MEGF9: variants seen among roughly 807,000 people sequenced by gnomAD.
MEGF9 encodes multiple epidermal growth factor-like domains protein 9.
A neutral mutation model predicts 46.8 loss-of-function variants in MEGF9; 6 were observed. That is an observed-to-expected ratio of 0.13 (90% CI 0.07 to 0.25). The LOEUF (loss-of-function observed/expected upper bound fraction) is 0.25. MEGF9 is among the 10% of genes least tolerant of loss of function. The pLI, the probability that MEGF9 is intolerant of heterozygous loss-of-function variation, is 1.00. For missense variants in MEGF9, 683 were observed against 792.4 expected, an observed-to-expected ratio of 0.86 and a Z score of 1.66; for synonymous variants, 302 against 330.7, an observed-to-expected ratio of 0.91 and a Z score of 0.94.
intron 3 of MEGF9, among the ~76,000 whole-genome samples, chr9:120,613,099 A>G (rs781514591): frequency 8.5e-5 from 13 of 152,138 alleles, no homozygotes; most frequent in African/African-American, 3.1e-4. Context: ...GGCCTCCCAA[A>G]GTTTTGGGAT....
At chr9:120,621,377 C>T (rs529273512) in intron 3 of MEGF9, among the ~76,000 whole-genome samples, 1 of 152,284 alleles carries the variant, frequency 6.6e-6, no homozygotes, top group African/African-American at 2.4e-5. Flanking sequence ...CGAAATGCTT[C>T]AGTTTGGATA....
chr9:120,696,345 C>A (rs778238355), intron 1 of MEGF9, among the ~76,000 whole-genome samples: 7 of 152,174 alleles, frequency 4.6e-5, no homozygotes, highest in Non-Finnish European at 8.8e-5. Context: ...TTAGGAGAGG[C>A]AGCTCTAAAG....
chr9:120,689,165 G>A (rs923153287), intron 1 of MEGF9, among the ~76,000 whole-genome samples: 11 of 152,182 alleles, frequency 7.2e-5, no homozygotes, highest in African/African-American at 1.9e-4. Context: ...GTTTGCACAT[G>A]GAGAACCACC....
intron 2 of MEGF9, among the ~76,000 whole-genome samples, chr9:120,624,126 T>C (rs1480648503): frequency 2.0e-5 from 3 of 152,260 alleles, no homozygotes; most frequent in Non-Finnish European, 4.4e-5. Context: ...AGACTTTCTA[T>C]CTGGAGGATC....
intron 1 of MEGF9, among the ~76,000 whole-genome samples, chr9:120,697,873 GA>G (rs1195876740): frequency 2.7e-5 from 4 of 148,426 alleles, no homozygotes; most frequent in Admixed American, 6.7e-5. Flanking sequence ...TAGGGGAGGT[GA>G]AAAAAAAACA....
chr9:120,634,602 C>T (rs967798188), intron 2 of MEGF9, among the ~76,000 whole-genome samples: 1 of 151,918 alleles, frequency 6.6e-6, no homozygotes, highest in Admixed American at 6.6e-5. Flanking sequence ...ACTTTACTTT[C>T]AGTCTGTGTA....
At chr9:120,609,576 GTAA>G (rs1451478199) in intron 4 of MEGF9, among the ~76,000 whole-genome samples, 2 of 152,102 alleles carry the variant, frequency 1.3e-5, no homozygotes, top group African/African-American at 4.8e-5. Flanking sequence ...TATCTACTGA[GTAA>G]TTTCACTTTA....
intron 3 of MEGF9, among the ~76,000 whole-genome samples, chr9:120,617,123 C>T (rs1259062796): frequency 6.6e-6 from 1 of 152,016 alleles, no homozygotes; most frequent in East Asian, 1.9e-4. Context: ...TGAAAGATGG[C>T]CAAAGGGTGG....
rs565418145 is a variant in MEGF9, at chr9:120,609,634, A to G, written c.1088-1624T>C. On this transcript the variant is annotated intron_variant, in intron 4 of 5. Transcript: ENST00000373930. ...CTCATACCTATCTGTTTCCTTTTTT[A>G]TTCTTCATAGGATTTCAATTCTGGA... Among the ~76,000 whole-genome samples the G allele has an allele frequency of 1.2e-4, 19 of 152,204 alleles. No individual in the cohort carries two copies. In the East Asian group the frequency reaches 2.3e-3, roughly 19 times the overall value.
intron 1 of MEGF9, among the ~76,000 whole-genome samples, chr9:120,672,900 G>A (rs1048850523): frequency 6.6e-6 from 1 of 152,154 alleles, no homozygotes; most frequent in Admixed American, 6.5e-5. Flanking sequence ...GTGCATGCCT[G>A]TAATCCCAGC....
chr9:120,693,237 GA>G, intron 1 of MEGF9, among the ~76,000 whole-genome samples: 1 of 29,096 alleles, frequency 3.4e-5, no homozygotes, highest in East Asian at 9.7e-4. Context: ...AGCATGGCAA[GA>G]AAAAATAAAG....
intron 2 of MEGF9, among the ~76,000 whole-genome samples, chr9:120,644,748 T>G (rs2043618276): frequency 1.3e-5 from 2 of 152,218 alleles, no homozygotes; most frequent in Non-Finnish European, 2.9e-5. Context: ...AAACAGTCGG[T>G]AAATGTTAGT....
In MEGF9 at chr9:120,605,235, A is replaced by G. The variant is rs749871238; in HGVS notation, c.1764T>C (p.Asn588=). Reference sequence around the variant, plus strand: ...TGGGCGTCGTCAGGGTCAGCTGCCCATTGGGAGCCACTTCATTGCCATCAT... The same window carrying G: ...TGGGCGTCGTCAGGGTCAGCTGCCCGTTGGGAGCCACTTCATTGCCATCAT... The part of the protein sequence containing the change: ...LEDDGNEVAP[N]GQLTLTTPIH... The change falls in exon 6 of 6, where the codon AAT becomes AAC. Residue 588 remains asparagine, a synonymous_variant. Coordinates refer to ENST00000373930, the MANE Select transcript of MEGF9 (RefSeq NM_001080497.3). The surrounding 1 kb of genome is among the most constrained non-coding windows in gnomAD (Gnocchi z 4.0). 28 of 1,614,016 alleles carry G rather than the reference A, an allele frequency of 1.7e-5. No individual in the cohort carries two copies. The highest frequency in any genetic ancestry group is 2.3e-5 in the Non-Finnish European group (27 of 1,179,886).
intron 1 of MEGF9, chr9:120,690,023 G>A (rs1367697784): frequency 1.9e-6 from 1 of 516,532 alleles, no homozygotes; most frequent in South Asian, 1.5e-5. Flanking sequence ...GACAATGAGG[G>A]TAATGTGGCA....
intron 1 of MEGF9, among the ~76,000 whole-genome samples, chr9:120,687,586 T>C (rs989498653): frequency 2.6e-5 from 4 of 151,642 alleles, no homozygotes; most frequent in Non-Finnish European, 5.9e-5. Flanking sequence ...CATGGAACAA[T>C]ATAGAAAAAT....
At chr9:120,629,835 A>C (rs1443089407) in intron 2 of MEGF9, among the ~76,000 whole-genome samples, 2 of 151,984 alleles carry the variant, frequency 1.3e-5, no homozygotes, top group African/African-American at 4.8e-5. Context: ...CGGGAGGCTG[A>C]GGCAGGCGAA....
At chr9:120,643,226 GAA>G (rs560897677) in intron 2 of MEGF9, among the ~76,000 whole-genome samples, 3,584 of 144,254 alleles carry the variant, frequency 0.025, 151 homozygotes, top group African/African-American at 0.086. Flanking sequence ...TTCTTGCTAT[GAA>G]AAAAAAAAAA....
intron 1 of MEGF9, among the ~76,000 whole-genome samples, chr9:120,707,972 G>A (rs2043936207): frequency 6.6e-6 from 1 of 152,178 alleles, no homozygotes; most frequent in African/African-American, 2.4e-5. Flanking sequence ...TTGAACTTGG[G>A]AGGCGGAGGT....
intron 1 of MEGF9, among the ~76,000 whole-genome samples, chr9:120,663,403 T>C (rs1025198709): frequency 2.0e-5 from 3 of 152,202 alleles, no homozygotes; most frequent in Non-Finnish European, 4.4e-5. Flanking sequence ...CTCAGACCCT[T>C]CACAGGTCTA....
Sources: allele counts gnomAD v4.1 joint callset (sites outside exome capture counted in the v4.1 genomes callset), GRCh38; gene constraint gnomAD v4.1.1; non-coding constraint Gnocchi (gnomAD v3.1); transcripts MANE v1.5; gene names NCBI Gene and HGNC (gene_info 2026-07-23, HGNC 2026-07-21).